Variants in ZNF638 observed in about 807,000 individuals in gnomAD.
The protein encoded by ZNF638 is CTCL tumor antigen se33-1.
Under a neutral mutation model 195.6 loss-of-function variants are expected in ZNF638, and 46 were observed. The observed-to-expected ratio is 0.24, with a 90% CI of 0.19 to 0.30. The LOEUF is 0.30. ZNF638 is among the 10% of genes least tolerant of loss of function. ZNF638 has a pLI of 1.00. For missense variants in ZNF638, 2,440 were observed against 2,325.3 expected (o/e 1.05, Z -1.01); for synonymous variants, 845 against 772.0 (o/e 1.09, Z -1.57).
chr2:71,385,634 A>C (rs766500846), intron 10 of ZNF638, among the ~76,000 whole-genome samples: 2 of 152,208 alleles, frequency 1.3e-5, no homozygotes, highest in African/African-American at 4.8e-5. Context: ...TACACATTAC[A>C]TGTAAAATGA....
intron 1 of ZNF638, among the ~76,000 whole-genome samples, chr2:71,337,555 A>G (rs1186360282): frequency 6.9e-6 from 1 of 145,108 alleles, no homozygotes; most frequent in Non-Finnish European, 1.5e-5. Context: ...TCAGGCGCGC[A>G]CCACCATGCC....
chr2:71,396,845 G>A (rs919603081), intron 11 of ZNF638, among the ~76,000 whole-genome samples: 1 of 152,174 alleles, frequency 6.6e-6, no homozygotes, highest in African/African-American at 2.4e-5. Flanking sequence ...TACTGGGAAG[G>A]CTGGGGCAGG....
Position 71,427,090 on chromosome 2 carries a change from G to T in ZNF638, c.5221G>T (p.Asp1741Tyr). 1.9e-6 allele frequency: 3 copies of T among 1,614,166 alleles called. No individual in the cohort carries two copies. Among genetic ancestry groups the T allele is most frequent in the Non-Finnish European group, 2.5e-6 (3 of 1,180,006 alleles). The change falls in exon 24 of 28, where the codon GAT becomes TAT. Residue 1741 changes from aspartate (D) to tyrosine (Y), a missense_variant. Physicochemically the swap from Asp to Tyr is radical, Grantham distance 160. This residue lies in a region of ZNF638 where 1,883 missense variants were observed against 1,739.1 expected (regional missense o/e 1.08). Coordinates refer to ENST00000264447, the MANE Select transcript of ZNF638 (RefSeq NM_014497.5). ...STLVTVDEIQ[D>Y]DSSDLHLVTL... ...TTTAGTTACTGTAGATGAAATACAA[G>T]ATGACAGCAGTGATTTGCATTTAGT...
At chr2:71,434,687 C>A in intron 27 of ZNF638, 55 bp from the exon 28 acceptor site, 1 of 1,473,670 alleles carries the variant, frequency 6.8e-7, no homozygotes, top group Non-Finnish European at 9.4e-7. Flanking sequence ...TAAGTTTGCA[C>A]ACATAGCAAA....
chr2:71,405,032 T>C (rs1257170608), intron 17 of ZNF638, among the ~76,000 whole-genome samples: 1 of 152,216 alleles, frequency 6.6e-6, no homozygotes, highest in East Asian at 1.9e-4. Flanking sequence ...GATTGTTTTA[T>C]ACACACCAGT....
chr2:71,395,139 T>C, intron 10 of ZNF638: 1 of 677,872 alleles, frequency 1.5e-6, no homozygotes, highest in Non-Finnish European at 2.8e-6. Context: ...AACAGTTATA[T>C]GGAAGGATGT....
Position 71,400,095 on chromosome 2 carries a change from C to G in ZNF638, c.2588-17C>G, listed in dbSNP as rs2079976834. The stretch of plus-strand genomic sequence containing the variant: ...TTAGTGTTTTACTAGACTATTAAAG[C>G]AGACTATTTCATGCAGAAAACTCTG... On this transcript the variant is annotated splice_polypyrimidine_tract_variant and intron_variant, in intron 13 of 27. Transcript: ENST00000264447. 1 of 1,587,750 alleles carries G rather than the reference C, an allele frequency of 6.3e-7. No homozygotes were observed. Among genetic ancestry groups the G allele is most frequent in the Non-Finnish European group, 8.6e-7 (1 of 1,168,482 alleles).
At chr2:71,385,691 GTC>G (rs2079622728) in intron 10 of ZNF638, among the ~76,000 whole-genome samples, 1 of 152,200 alleles carries the variant, frequency 6.6e-6, no homozygotes, top group South Asian at 2.1e-4. Context: ...TCAGTTTTCT[GTC>G]TGTGATACTG....
intron 8 of ZNF638, among the ~76,000 whole-genome samples, chr2:71,378,868 G>A (rs1398658308): frequency 6.6e-6 from 1 of 152,214 alleles, no homozygotes; most frequent in Non-Finnish European, 1.5e-5. Context: ...TAGCATCTTA[G>A]AGGAGTAGAA....
intron 27 of ZNF638, among the ~76,000 whole-genome samples, chr2:71,433,901 A>G (rs1030910955): frequency 1.3e-5 from 2 of 152,202 alleles, no homozygotes; most frequent in Admixed American, 1.3e-4. Context: ...AATCTTAAAG[A>G]TGAGAAAATA....
rs1558884275 is a variant in ZNF638, at chr2:71,423,618, T to A, written c.4104T>A (p.Gly1368=). Reference sequence around the variant, plus strand: ...AGGCATACCCAAATAAAGGAGTGGGTCAGGCTAATAAGCCTGATGAAACTA... The same window carrying A: ...AGGCATACCCAAATAAAGGAGTGGGACAGGCTAATAAGCCTGATGAAACTA... ...LFKAYPNKGV[G]QANKPDETSK... is the part of the protein sequence containing the mutation. Residue 1368 remains glycine, a synonymous_variant, in exon 22 of 28, where the codon GGT becomes GGA. Transcript: ENST00000264447. The A allele has an allele frequency of 6.2e-6, 10 of 1,613,826 alleles. No homozygotes were observed. The highest frequency in any genetic ancestry group is 6.8e-6 in the Non-Finnish European group (8 of 1,180,004).
At chr2:71,425,939 G>A (rs1401239927) in intron 23 of ZNF638, among the ~76,000 whole-genome samples, 1 of 152,152 alleles carries the variant, frequency 6.6e-6, no homozygotes, top group Non-Finnish European at 1.5e-5. Flanking sequence ...ACAGGCATGA[G>A]CCACCACGCC....
intron 25 of ZNF638, 77 bp from the exon 26 acceptor site, chr2:71,431,250 G>C: frequency 3.1e-6 from 4 of 1,291,228 alleles, no homozygotes; most frequent in Non-Finnish European, 4.4e-6. Context: ...AAAGAAAAAG[G>C]TAAGAATTAT....
rs747480655 is a variant in ZNF638, at chr2:71,348,855, G to T, written c.-100G>T. On this transcript the variant is annotated 5_prime_UTR_variant, in exon 2 of 28. Transcript: ENST00000264447. ...GCCCATCTCCTTTGCACTTTGCTCAGATTAAGACTCAGTTGGCGCTTCAGC... is the reference window on the plus strand; with the variant it reads ...GCCCATCTCCTTTGCACTTTGCTCATATTAAGACTCAGTTGGCGCTTCAGC... The T allele has an allele frequency of 6.2e-7, 1 of 1,611,184 alleles. No individual in the cohort carries two copies. Among genetic ancestry groups the T allele is most frequent in the African/African-American group, 1.3e-5 (1 of 74,912 alleles).
chr2:71,412,186 T>A (rs2080242873), intron 20 of ZNF638, among the ~76,000 whole-genome samples: 1 of 34,870 alleles, frequency 2.9e-5, no homozygotes, highest in Non-Finnish European at 4.9e-5. Flanking sequence ...TGTGAGATGA[T>A]ATCTCATAGT....
chr2:71,345,462 G>T (rs1245284831), intron 1 of ZNF638, among the ~76,000 whole-genome samples: 1 of 152,144 alleles, frequency 6.6e-6, no homozygotes, highest in Non-Finnish European at 1.5e-5. Flanking sequence ...GGTGGAAACA[G>T]CTCAGTGCAG....
chr2:71,388,732 T>C (rs755907659), intron 10 of ZNF638: 8 of 1,178,626 alleles, frequency 6.8e-6, no homozygotes, highest in Non-Finnish European at 1.0e-5. Flanking sequence ...CAGTAAGTCA[T>C]TGGTGCCCAC....
chr2:71,407,444 A>G (rs1212321456), intron 19 of ZNF638: 1 of 152,212 alleles, frequency 6.6e-6, no homozygotes, highest in Admixed American at 6.5e-5. Context: ...ATAAGGATTA[A>G]CCTTACCTTT....
At chr2:71,404,294 T>A (rs533301184) in intron 17 of ZNF638, among the ~76,000 whole-genome samples, 2 of 152,374 alleles carry the variant, frequency 1.3e-5, no homozygotes, top group South Asian at 4.1e-4. Flanking sequence ...AAACTAGAAT[T>A]CTGGAAGTTA....
Sources: gnomAD v4.1 joint callset for allele counts (sites outside exome capture counted in the v4.1 genomes callset) on GRCh38, gnomAD v4.1.1 for gene constraint, gnomAD v4.1.1 regional missense constraint, MANE v1.5 for transcripts, NCBI Gene and HGNC (gene_info 2026-07-23, HGNC 2026-07-21) for gene names.